The following AK3 variants were observed in gnomAD, a reference collection of about 807,000 sequenced individuals.
The protein encoded by AK3 is GTP:AMP phosphotransferase AK3, mitochondrial.
AK3 carries 27 observed loss-of-function variants against 23.7 expected under a neutral mutation model. The observed-to-expected ratio is 1.14, with a 90% CI of 0.84 to 1.57. The LOEUF (loss-of-function observed/expected upper bound fraction) is 1.57. Ranked by LOEUF, AK3 falls within the 40% of genes most tolerant of loss-of-function variation. The probability of loss-of-function intolerance (pLI) is 0.00; values close to 1 mark genes in which losing one functional copy is unlikely to be tolerated. For missense variants in AK3, 406 were observed against 285.6 expected (o/e 1.42, Z -3.04); for synonymous variants, 159 against 116.0 (o/e 1.37, Z -2.38).
intron 1 of AK3, among the ~76,000 whole-genome samples, chr9:4,736,463 T>C (rs1006999815): frequency 9.3e-6 from 1 of 107,678 alleles, no homozygotes; most frequent in African/African-American, 3.3e-5. Flanking sequence ...ATTAAATGTT[T>C]TACCATTCCA....
intron 1 of AK3, among the ~76,000 whole-genome samples, chr9:4,730,319 T>C (rs912887586): frequency 2.0e-5 from 3 of 152,192 alleles, no homozygotes; most frequent in African/African-American, 7.2e-5. Flanking sequence ...CAAGGGCTAA[T>C]TGTATGGTAT....
chr9:4,732,703 T>C (rs1489014358), intron 1 of AK3, among the ~76,000 whole-genome samples: 1 of 152,146 alleles, frequency 6.6e-6, no homozygotes, highest in East Asian at 1.9e-4. Flanking sequence ...ATGTTTATAT[T>C]ACATAAAAAG....
At chr9:4,713,394 T>C (rs1841614882) in intron 4 of AK3, among the ~76,000 whole-genome samples, 1 of 152,230 alleles carries the variant, frequency 6.6e-6, no homozygotes, top group African/African-American at 2.4e-5. Flanking sequence ...TTACATATTA[T>C]AGTTTGTTTA....
chr9:4,712,851 A>G lies in AK3; in HGVS notation c.*125T>C, dbSNP rs1301354762. On this transcript the variant is annotated 3_prime_UTR_variant, in exon 5 of 5. Coordinates refer to ENST00000381809, the MANE Select transcript of AK3 (RefSeq NM_016282.4). ...CCTTAGTATCCAAAATAAAATCAGT[A>G]GAAATAAAAGTAATATAATTTTCAA... is the stretch of plus-strand genomic sequence containing the variant. 15 of 1,102,958 alleles carry G rather than the reference A, an allele frequency of 1.4e-5. No individual in the cohort carries two copies. The highest frequency in any genetic ancestry group is 1.5e-5 in the Non-Finnish European group (12 of 795,156). 68.3% of individuals were successfully genotyped at this position (1,102,958 alleles called of 1,614,324 possible).
intron 1 of AK3, among the ~76,000 whole-genome samples, chr9:4,740,558 C>G (rs964454501): frequency 6.6e-6 from 1 of 152,220 alleles, no homozygotes. Context: ...TCTAGCAGGG[C>G]TAATGACAGT....
At chr9:4,726,284 C>G (rs9918953) in intron 1 of AK3, among the ~76,000 whole-genome samples, 1 of 152,132 alleles carries the variant, frequency 6.6e-6, no homozygotes, top group Non-Finnish European at 1.5e-5. Flanking sequence ...TCAACTGACT[C>G]TTCTTTTCAC....
chr9:4,739,801 T>C (rs531064727), intron 1 of AK3, among the ~76,000 whole-genome samples: 2 of 151,822 alleles, frequency 1.3e-5, no homozygotes, highest in Admixed American at 6.6e-5. Flanking sequence ...CGTGGTGGCA[T>C]GCGCCTGTAG....
chr9:4,719,265 G>A lies in AK3; in HGVS notation c.314C>T (p.Ala105Val). ...GTTAATCACTGTGTCGATCTGATAA[G>A]CTCTATCTAGGGCTTCTGCCTGTGG... ...TLPQAEALDR[A>V]YQIDTVINLN... Residue 105 changes from alanine (A) to valine (V), a missense_variant, in exon 3 of 5, where the codon GCT becomes GTT. Transcript: ENST00000381809. 6.3e-7 allele frequency: 1 copy of A among 1,584,974 alleles called. No individual in the cohort carries two copies. Among genetic ancestry groups the A allele is most frequent in the Non-Finnish European group, 8.6e-7 (1 of 1,163,428 alleles).
intron 1 of AK3, among the ~76,000 whole-genome samples, chr9:4,729,827 G>C (rs1310447618): frequency 7.7e-6 from 1 of 129,288 alleles, no homozygotes; most frequent in Non-Finnish European, 1.7e-5. Flanking sequence ...AAGAGACTGT[G>C]TCTCTTAAAA....
At chr9:4,741,357 GCCGCGC>G, upstream of AK3, 1 of 290,508 alleles carries the variant, frequency 3.4e-6, no homozygotes, top group Admixed American at 6.6e-5. Context: ...AGCCGCGCAA[GCCGCGC>G]CCCCTCTGCG....
intron 1 of AK3, among the ~76,000 whole-genome samples, 162 bp from the exon 2 acceptor site, chr9:4,722,787 T>C (rs573258598): frequency 3.3e-5 from 5 of 152,322 alleles, no homozygotes; most frequent in Admixed American, 2.0e-4. Flanking sequence ...CCGGGAACAG[T>C]GGTTCATACC....
At chr9:4,733,091 C>T (rs1472146123) in intron 1 of AK3, among the ~76,000 whole-genome samples, 1 of 151,974 alleles carries the variant, frequency 6.6e-6, no homozygotes, top group Non-Finnish European at 1.5e-5. Flanking sequence ...TCTACTGATC[C>T]TCCTGCCTTA....
intron 2 of AK3, among the ~76,000 whole-genome samples, chr9:4,721,769 T>C (rs1469578037): frequency 1.3e-5 from 2 of 152,190 alleles, no homozygotes; most frequent in Non-Finnish European, 2.9e-5. Context: ...CACATCAACT[T>C]CTAATTTACC....
At chr9:4,735,787 G>GA (rs1554628330) in intron 1 of AK3, among the ~76,000 whole-genome samples, 20,077 of 77,012 alleles carry the variant, frequency 0.26, 1,506 homozygotes, top group African/African-American at 0.44. Flanking sequence ...ATTTTAAAAA[G>GA]AAAAAAATTT....
At chr9:4,741,436 C>T (rs1842433798), upstream of AK3, 1 of 223,890 alleles carries the variant, frequency 4.5e-6, no homozygotes, top group African/African-American at 2.3e-5. Flanking sequence ...GGCCGCTGGG[C>T]CCGGATCCCT....
intron 1 of AK3, among the ~76,000 whole-genome samples, chr9:4,728,924 A>AATATATACATAC (rs1223559746): frequency 6.9e-6 from 1 of 145,186 alleles, no homozygotes; most frequent in Non-Finnish European, 1.5e-5. Context: ...CATACATATA[A>AATATATACATAC]ATATATACAT....
intron 1 of AK3, among the ~76,000 whole-genome samples, chr9:4,735,841 G>A (rs1030125843): frequency 1.1e-4 from 17 of 151,888 alleles, no homozygotes; most frequent in South Asian, 2.1e-4. Flanking sequence ...AAGGCCAGGT[G>A]CAGTAGCTCA....
upstream of AK3, chr9:4,741,408 C>G (rs1487315790): frequency 1.9e-5 from 5 of 259,050 alleles, no homozygotes; most frequent in African/African-American, 6.8e-5. Flanking sequence ...CTGCGCCTCT[C>G]CGCGGCCCCT....
intron 1 of AK3, among the ~76,000 whole-genome samples, chr9:4,731,368 T>C (rs1842148292): frequency 6.6e-6 from 1 of 152,098 alleles, no homozygotes; most frequent in African/African-American, 2.4e-5. Context: ...GAACATGAGG[T>C]ATTTGGTTTT....
Sources: allele counts gnomAD v4.1 joint callset (sites outside exome capture counted in the v4.1 genomes callset), GRCh38; gene constraint gnomAD v4.1.1; transcripts MANE v1.5; gene names NCBI Gene and HGNC (gene_info 2026-07-23, HGNC 2026-07-21).